The following WWC2 variants were observed in gnomAD, a reference collection of about 807,000 sequenced individuals.
WWC2 encodes protein WWC2.
A neutral mutation model predicts 138.5 loss-of-function variants in WWC2; 101 were observed. The ratio of observed to expected loss-of-function variants is 0.73; its 90% CI spans 0.62 to 0.86. WWC2 has a LOEUF of 0.86. WWC2 is among the 40% of genes least tolerant of loss of function. The pLI, the probability that WWC2 is intolerant of heterozygous loss-of-function variation, is 0.00. For missense variants in WWC2, 1,420 were observed against 1,419.4 expected, an observed-to-expected ratio of 1.00 and a Z score of -0.01; for synonymous variants, 558 against 538.4, an observed-to-expected ratio of 1.04 and a Z score of -0.50.
chr4:183,165,117 G>T (rs1734095687), intron 1 of WWC2, among the ~76,000 whole-genome samples: 1 of 152,086 alleles, frequency 6.6e-6, no homozygotes, highest in Admixed American at 6.5e-5. Context: ...CTGGGTAAAT[G>T]CCCATGGGAA....
At chr4:183,200,905 A>G (rs1297286646) in intron 2 of WWC2, among the ~76,000 whole-genome samples, 1 of 152,218 alleles carries the variant, frequency 6.6e-6, no homozygotes, top group East Asian at 1.9e-4. Context: ...GATCTAGCGC[A>G]TACTCAAGAG....
intron 1 of WWC2, among the ~76,000 whole-genome samples, chr4:183,178,878 T>A (rs1437418716): frequency 6.6e-5 from 10 of 152,224 alleles, no homozygotes; most frequent in Admixed American, 5.9e-4. Flanking sequence ...TGAGGTTAAC[T>A]TTATGAATCT....
At chr4:183,295,382 A>G (rs1738599178) in intron 21 of WWC2, among the ~76,000 whole-genome samples, 1 of 152,144 alleles carries the variant, frequency 6.6e-6, no homozygotes, top group Non-Finnish European at 1.5e-5. Flanking sequence ...CCACTAGAAT[A>G]GAGGATTTCA....
At chr4:183,170,264 A>G (rs1040705184) in intron 1 of WWC2, among the ~76,000 whole-genome samples, 2 of 152,200 alleles carry the variant, frequency 1.3e-5, no homozygotes, top group Admixed American at 6.5e-5. Flanking sequence ...GGAGGCAGAC[A>G]CCTAGAGTCA....
At chr4:183,113,082 A>G (rs555179990) in intron 1 of WWC2, among the ~76,000 whole-genome samples, 8 of 152,136 alleles carry the variant, frequency 5.3e-5, no homozygotes, top group East Asian at 2.0e-4. Context: ...AGACCAGCCT[A>G]GCCAACATGG....
chr4:183,268,466 A>G (rs2111375298), intron 14 of WWC2, among the ~76,000 whole-genome samples: 1 of 152,320 alleles, frequency 6.6e-6, no homozygotes, highest in Non-Finnish European at 1.5e-5. Context: ...AAATTTTCTT[A>G]ACAATATGCT....
chr4:183,193,108 T>C (rs773549318), intron 1 of WWC2, among the ~76,000 whole-genome samples: 3 of 152,218 alleles, frequency 2.0e-5, no homozygotes, highest in Admixed American at 2.0e-4. Flanking sequence ...AAAAAAAATT[T>C]GTCCTTCCTC....
intron 4 of WWC2, among the ~76,000 whole-genome samples, chr4:183,209,838 A>G (rs1217579719): frequency 6.6e-6 from 1 of 152,230 alleles, no homozygotes; most frequent in Non-Finnish European, 1.5e-5. Flanking sequence ...CTGTTCACCA[A>G]GTAAATAAAC....
At chr4:183,243,400 TA>T (rs1736675627) in intron 5 of WWC2, among the ~76,000 whole-genome samples, 1 of 152,242 alleles carries the variant, frequency 6.6e-6, no homozygotes, top group African/African-American at 2.4e-5. Flanking sequence ...GCCAAAATGC[TA>T]TATTTGGAAA....
intron 5 of WWC2, chr4:183,240,526 T>G (rs1736583451): frequency 3.2e-6 from 1 of 310,248 alleles, no homozygotes; most frequent in African/African-American, 2.2e-5. Context: ...TGTCTTACCT[T>G]TATCTCCTGG....
At chr4:183,165,540 A>G (rs1734108036) in intron 1 of WWC2, among the ~76,000 whole-genome samples, 1 of 152,142 alleles carries the variant, frequency 6.6e-6, no homozygotes, top group South Asian at 2.1e-4. Flanking sequence ...AAGGCAGTTT[A>G]AGGAATGGGT....
At position 183,315,805 on chromosome 4, in the gene WWC2, T is replaced by G. The variant is rs1739418590; in HGVS notation, c.*76T>G. 14 of 1,268,226 alleles carry G rather than the reference T, an allele frequency of 1.1e-5. No individual in the cohort carries two copies. The South Asian group carries it at 2.1e-4, about 19-fold the overall frequency. The allele number at this position is 1,268,226 out of a possible 1,614,324, so 78.6% of individuals were successfully genotyped here. On this transcript the variant is annotated 3_prime_UTR_variant, in exon 23 of 23. Transcript: ENST00000403733. The stretch of plus-strand genomic sequence containing the variant: ...GTAAAAGACTGAAGATTTGTGTTTT[T>G]GTTTTGGTGTTTGGTTTTTTTTGGT...
chr4:183,131,556 A>G (rs1186717437), intron 1 of WWC2, among the ~76,000 whole-genome samples: 1 of 151,750 alleles, frequency 6.6e-6, no homozygotes, highest in African/African-American at 2.4e-5. Flanking sequence ...TCTTTTATTG[A>G]TTGTTACAAG....
At chr4:183,270,873 G>A (rs539117061) in intron 15 of WWC2, among the ~76,000 whole-genome samples, 4 of 152,176 alleles carry the variant, frequency 2.6e-5, no homozygotes, top group Admixed American at 2.0e-4. Context: ...TAGGTTGGGG[G>A]TTATTTCTTA....
In WWC2 at chr4:183,130,779, G is replaced by C. The variant is rs77388162; in HGVS notation, c.131+31157G>C. ...AGGTCCTGTCTGCTTCTCTGGATTT[G>C]TACCTAACAAGTCACCTTCTTCTTT... On this transcript the variant is annotated intron_variant, in intron 1 of 22. Coordinates refer to ENST00000403733, the MANE Select transcript of WWC2 (RefSeq NM_024949.6). Among the ~76,000 whole-genome samples the C allele has an allele frequency of 3.9e-3, 594 of 152,214 alleles. 3 individuals are homozygous for C. The highest frequency in any genetic ancestry group is 0.014 in the African/African-American group (569 of 41,522).
intron 4 of WWC2, among the ~76,000 whole-genome samples, chr4:183,219,307 A>G (rs1187612789): frequency 1.3e-5 from 2 of 152,186 alleles, no homozygotes; most frequent in African/African-American, 2.4e-5. Context: ...CTTAAATGGT[A>G]AGTCTTAACA....
intron 4 of WWC2, among the ~76,000 whole-genome samples, chr4:183,232,181 T>C (rs549136470): frequency 6.6e-6 from 1 of 152,336 alleles, no homozygotes; most frequent in East Asian, 1.9e-4. Context: ...GACATAATGC[T>C]TTTGTCTTTA....
chr4:183,128,316 G>A (rs891446904), intron 1 of WWC2, among the ~76,000 whole-genome samples: 1 of 152,118 alleles, frequency 6.6e-6, no homozygotes, highest in African/African-American at 2.4e-5. Context: ...TCCAGCCTGG[G>A]CGACAGAGCG....
At chr4:183,212,743 A>G (rs1353345004) in intron 4 of WWC2, among the ~76,000 whole-genome samples, 1 of 152,202 alleles carries the variant, frequency 6.6e-6, no homozygotes, top group Non-Finnish European at 1.5e-5. Context: ...CTAACCATTT[A>G]GAAGGAAATG....
Sources: allele counts gnomAD v4.1 joint callset (sites outside exome capture counted in the v4.1 genomes callset), GRCh38; gene constraint gnomAD v4.1.1; transcripts MANE v1.5; gene names NCBI Gene and HGNC (gene_info 2026-07-23, HGNC 2026-07-21).